Variants in SPATA2L observed in about 807,000 individuals in gnomAD.
SPATA2L encodes spermatogenesis associated 2 like, also known as spermatogenesis-associated protein 2-like protein.
In SPATA2L, 5 loss-of-function variants were observed where a neutral mutation model predicts 8.7. The observed-to-expected ratio is 0.57, with a 90% confidence interval of 0.30 to 1.21. The LOEUF (loss-of-function observed/expected upper bound fraction) is 1.21, where lower values mean the gene tolerates loss of function less well. Among genes scored for constraint, SPATA2L ranks in the 50% most tolerant of loss-of-function variants. The pLI is 0.07. For synonymous variants in SPATA2L, 358 were observed against 275.8 expected, an observed-to-expected ratio of 1.30 and a Z score of -2.95; for missense variants, 671 against 591.0, an observed-to-expected ratio of 1.14 and a Z score of -1.40.
At chr16:89,701,301 A>C (rs2151612434) in intron 1 of SPATA2L, 68 bp from the exon 2 acceptor site, 1 of 1,340,506 alleles carries the variant, frequency 7.5e-7, no homozygotes, top group South Asian at 1.8e-5. Context: ...GCTCTCCCCG[A>C]ACCCTCACCC....
chr16:89,700,770 C>A lies in SPATA2L; in HGVS notation c.303+160G>T, dbSNP rs931400353. 3.9e-5 allele frequency among the ~76,000 whole-genome samples: 6 copies of A among 152,308 alleles called. No individual in the cohort carries two copies. In the South Asian group the frequency reaches 1.2e-3, roughly 32 times the overall value. On this transcript the variant is annotated intron_variant, in intron 2 of 2. Coordinates refer to ENST00000289805, the MANE Select transcript of SPATA2L (RefSeq NM_152339.4). ...TCAGCCCTAGGAGTGGGTGCCCCCACACGCCCACGACCCCTCAGCGCTCGG... is the reference window on the plus strand; with the variant it reads ...TCAGCCCTAGGAGTGGGTGCCCCCAAACGCCCACGACCCCTCAGCGCTCGG...
rs2151610486 is a variant in SPATA2L, at chr16:89,698,243, C to T, written c.366G>A (p.Lys122=). 1 of 1,608,902 alleles carries T rather than the reference C, an allele frequency of 6.2e-7. No individual in the cohort carries two copies. Among genetic ancestry groups the T allele is most frequent in the East Asian group, 2.2e-5 (1 of 44,766 alleles). The change falls in exon 3 of 3, where the codon AAG becomes AAA. Residue 122 remains lysine, a synonymous_variant. Coordinates refer to ENST00000289805, the MANE Select transcript of SPATA2L (RefSeq NM_152339.4). ...KGVLSDDLLL[K]SFQKMGYVRR... is the part of the protein sequence containing the mutation. ...GTACGTAGCCCATCTTCTGGAAGCT[C>T]TTCAGGAGGAGGTCGTCTGAGAGCA...
In SPATA2L at chr16:89,697,694, G is replaced by A. The variant is rs755694335; in HGVS notation, c.915C>T (p.Ser305=). ...GGCGCAGAGAGAGGAAGGAGAAGGCGGAAGGTTCAGGTTCCAGCCCCTCCT... is the reference window on the plus strand; with the variant it reads ...GGCGCAGAGAGAGGAAGGAGAAGGCAGAAGGTTCAGGTTCCAGCCCCTCCT... ...ALEEGLEPEP[S]AFSFLSLRRE... is the part of the protein sequence containing the mutation. The change falls in exon 3 of 3, where the codon TCC becomes TCT. Residue 305 remains serine, a synonymous_variant. Coordinates refer to ENST00000289805, the MANE Select transcript of SPATA2L (RefSeq NM_152339.4). 3.5e-5 allele frequency: 56 copies of A among 1,612,100 alleles called. No individual in the cohort carries two copies. Among genetic ancestry groups the A allele is most frequent in the Middle Eastern group, 1.6e-4 (1 of 6,082 alleles).
chr16:89,700,657 G>T (rs1352310477), intron 2 of SPATA2L, among the ~76,000 whole-genome samples: 1 of 152,198 alleles, frequency 6.6e-6, no homozygotes, highest in Non-Finnish European at 1.5e-5. Flanking sequence ...CTGGGGCCGC[G>T]AGGCCTCTTA....
At position 89,696,522 on chromosome 16, in the gene SPATA2L, C is replaced by G; in HGVS notation, c.*812G>C. 2.3e-6 allele frequency: 1 copy of G among 426,124 alleles called. No homozygotes were observed. The highest frequency in any genetic ancestry group is 4.3e-5 in the South Asian group (1 of 23,298). 26.4% of individuals were successfully genotyped at this position (426,124 alleles called of 1,614,324 possible). A position where few individuals can be genotyped will look rare whatever the true frequency, so the allele number is the denominator to read the frequency against. ...TGGATGCACCCTGCCCTCTCCCTCG[C>G]CAGACCCGAGGGTAGGGCAGAGGCA... On this transcript the variant is annotated 3_prime_UTR_variant, in exon 3 of 3. Coordinates refer to ENST00000289805, the MANE Select transcript of SPATA2L (RefSeq NM_152339.4).
chr16:89,701,143 C>G lies in SPATA2L; in HGVS notation c.90G>C (p.Ser30=). ...GGATCTGCCAGAGCACCGCGCGCAGCGAGGGGTCCCCGCACACGCCCGCGC... is the reference window on the plus strand; with the variant it reads ...GGATCTGCCAGAGCACCGCGCGCAGGGAGGGGTCCCCGCACACGCCCGCGC... The part of the protein sequence containing the change: ...RGRAGVCGDP[S]LRAVLWQILV... Residue 30 remains serine (S), a synonymous_variant, in exon 2 of 3, where the codon TCG becomes TCC. Transcript: ENST00000289805. 2 of 1,522,672 alleles carry G rather than the reference C, an allele frequency of 1.3e-6. No individual in the cohort carries two copies. Among genetic ancestry groups the G allele is most frequent in the South Asian group, 1.2e-5 (1 of 82,500 alleles). 94.3% of individuals were successfully genotyped at this position (1,522,672 alleles called of 1,614,324 possible).
chr16:89,696,498 G>C lies in SPATA2L; in HGVS notation c.*836C>G. On this transcript the variant is annotated 3_prime_UTR_variant, in exon 3 of 3. Transcript: ENST00000289805. Reference sequence around the variant, plus strand: ...GTGGGCCCAGAGGGGCTGTCACAGTGGATGCACCCTGCCCTCTCCCTCGCC... The same window carrying C: ...GTGGGCCCAGAGGGGCTGTCACAGTCGATGCACCCTGCCCTCTCCCTCGCC... 1 of 386,044 alleles carries C rather than the reference G, an allele frequency of 2.6e-6. No individual in the cohort carries two copies. Among genetic ancestry groups the C allele is most frequent in the Admixed American group, 4.3e-5 (1 of 22,996 alleles). The allele number at this position is 386,044 out of a possible 1,614,324, so 23.9% of individuals were successfully genotyped here. A position where few individuals can be genotyped will look rare whatever the true frequency, so the allele number is the denominator to read the frequency against.
intron 2 of SPATA2L, among the ~76,000 whole-genome samples, chr16:89,698,649 G>T (rs2060754824): frequency 6.6e-6 from 1 of 151,094 alleles, no homozygotes; most frequent in South Asian, 2.1e-4. Context: ...ACCACACCCG[G>T]CTAATTTTCA....
chr16:89,699,932 A>C (rs1371468743), intron 2 of SPATA2L, among the ~76,000 whole-genome samples: 1 of 152,216 alleles, frequency 6.6e-6, no homozygotes, highest in Non-Finnish European at 1.5e-5. Flanking sequence ...CTGACTCTCA[A>C]ATTCCCTAAC....
At chr16:89,700,884 C>G in intron 2 of SPATA2L, 46 bp downstream of exon 2, 1 of 1,403,534 alleles carries the variant, frequency 7.1e-7, no homozygotes, top group Non-Finnish European at 9.3e-7. Flanking sequence ...GCCCCGCGAC[C>G]CGCAGGCCAG....
chr16:89,699,534 C>T (rs1597891013), intron 2 of SPATA2L, among the ~76,000 whole-genome samples: 2 of 150,932 alleles, frequency 1.3e-5, no homozygotes, highest in African/African-American at 2.4e-5. Context: ...AGCCGTGGGA[C>T]GGTAGAAGGG....
In SPATA2L at chr16:89,701,242, G is replaced by C; in HGVS notation, c.-1-9C>G. The C allele has an allele frequency of 7.1e-7, 1 of 1,403,834 alleles. No homozygotes were observed. Among genetic ancestry groups the C allele is most frequent in the South Asian group, 1.5e-5 (1 of 66,526 alleles). 87.0% of individuals were successfully genotyped at this position (1,403,834 alleles called of 1,614,324 possible). ...GCGAGCTGCTGCCCATCCTGCGGCGGACGGGGGTCGGGGGGGTCAGGGACC... is the reference window on the plus strand; with the variant it reads ...GCGAGCTGCTGCCCATCCTGCGGCGCACGGGGGTCGGGGGGGTCAGGGACC... On this transcript the variant is annotated splice_polypyrimidine_tract_variant and intron_variant, in intron 1 of 2. Transcript: ENST00000289805.
At chr16:89,700,831 G>A (rs377359914) in intron 2 of SPATA2L, 99 bp downstream of exon 2, 4 of 1,303,670 alleles carry the variant, frequency 3.1e-6, no homozygotes, top group East Asian at 2.9e-5. Context: ...GAGGACACTT[G>A]AAGCCCCTCT....
chr16:89,700,823 G>A lies in SPATA2L; in HGVS notation c.303+107C>T, dbSNP rs992012765. 1.4e-5 allele frequency: 17 copies of A among 1,244,930 alleles called. No homozygotes were observed. In the Admixed American group the frequency reaches 3.3e-4, roughly 24 times the overall value. The allele number at this position is 1,244,930 out of a possible 1,614,324, so 77.1% of individuals were successfully genotyped here. A position where few individuals can be genotyped will look rare whatever the true frequency, so the allele number is the denominator to read the frequency against. ...CCTTGAGGAGCCCACCAGGCACTGA[G>A]GACACTTGAAGCCCCTCTCTCTCGA... On this transcript the variant is annotated intron_variant, in intron 2 of 2. Coordinates refer to ENST00000289805, the MANE Select transcript of SPATA2L (RefSeq NM_152339.4).
At position 89,697,219 on chromosome 16, in the gene SPATA2L, CTG is replaced by C; in HGVS notation, c.*113_*114del. The C allele has an allele frequency of 1.4e-6, 2 of 1,394,514 alleles. No homozygotes were observed. The highest frequency in any genetic ancestry group is 1.9e-6 in the Non-Finnish European group (2 of 1,077,764). 86.4% of individuals were successfully genotyped at this position (1,394,514 alleles called of 1,614,324 possible). On this transcript the variant is annotated 3_prime_UTR_variant, in exon 3 of 3. Transcript: ENST00000289805. ...TTGGCCTGGACTCTCCAACCCCCTG[CTG>C]TGCCCAGGACTCCCCCAGGGACAAG...
chr16:89,697,972 G>C lies in SPATA2L; in HGVS notation c.637C>G (p.Pro213Ala), dbSNP rs1398642849. Residue 213 changes from proline to alanine, a missense_variant, in exon 3 of 3, where the codon CCC (proline) becomes GCC (alanine). Physicochemically the swap from Pro to Ala is conservative, Grantham distance 27. Coordinates refer to ENST00000289805, the MANE Select transcript of SPATA2L (RefSeq NM_152339.4). ...TAAGCAGCAGGGGAGCCTCGGGGGG[G>C]CAGGGGTGGCGGCTCCTCATCCTGG... Reference protein sequence around the residue: ...LAQDEEPPPLPPRGSPAAYRA... With the variant: ...LAQDEEPPPLAPRGSPAAYRA... 1 of 1,604,812 alleles carries C rather than the reference G, an allele frequency of 6.2e-7. No individual in the cohort carries two copies. The highest frequency in any genetic ancestry group is 1.7e-5 in the Admixed American group (1 of 59,862).
Position 89,696,659 on chromosome 16 carries a change from G to T in SPATA2L, c.*675C>A. On this transcript the variant is annotated 3_prime_UTR_variant, in exon 3 of 3. Transcript: ENST00000289805. ...GGGCGGGCTGTCCACAGGCCCTTCC[G>T]CCCAGCAGCAGTGACGCTCAGGGCC... 4.1e-6 allele frequency: 4 copies of T among 987,602 alleles called. No individual in the cohort carries two copies. Among genetic ancestry groups the T allele is most frequent in the South Asian group, 1.8e-5 (1 of 56,912 alleles). 61.2% of individuals were successfully genotyped at this position (987,602 alleles called of 1,614,324 possible). A position where few individuals can be genotyped will look rare whatever the true frequency, so the allele number is the denominator to read the frequency against.
intron 1 of SPATA2L, 149 bp from the exon 2 acceptor site, chr16:89,701,382 C>T (rs1290650282): frequency 2.7e-6 from 2 of 731,146 alleles, no homozygotes; most frequent in East Asian, 3.4e-5. Flanking sequence ...ATCTTCGGCA[C>T]CCCCTACGCT....
chr16:89,696,518 C>G lies in SPATA2L; in HGVS notation c.*816G>C. On this transcript the variant is annotated 3_prime_UTR_variant, in exon 3 of 3. Transcript: ENST00000289805. ...ACAGTGGATGCACCCTGCCCTCTCC[C>G]TCGCCAGACCCGAGGGTAGGGCAGA... The G allele has an allele frequency of 2.4e-6, 1 of 422,610 alleles. No individual in the cohort carries two copies. The highest frequency in any genetic ancestry group is 4.3e-6 in the Non-Finnish European group (1 of 234,960). 26.2% of individuals were successfully genotyped at this position (422,610 alleles called of 1,614,324 possible). A position where few individuals can be genotyped will look rare whatever the true frequency, so the allele number is the denominator to read the frequency against.
Sources: allele counts gnomAD v4.1 joint callset (sites outside exome capture counted in the v4.1 genomes callset), GRCh38; gene constraint gnomAD v4.1.1; transcripts MANE v1.5; gene names NCBI Gene and HGNC (gene_info 2026-07-23, HGNC 2026-07-21).